Variants in PACRG observed in about 807,000 individuals in gnomAD.
PACRG encodes the protein parkin coregulated, also known as parkin coregulated gene protein.
Under a neutral mutation model 29.7 loss-of-function variants are expected in PACRG, and 29 were observed. The observed-to-expected ratio is 0.98, with a 90% CI of 0.73 to 1.33. PACRG has a LOEUF of 1.33. PACRG is among the 40% of genes most tolerant of loss of function. The pLI is 0.00. For synonymous variants in PACRG, 116 were observed against 118.7 expected, an observed-to-expected ratio of 0.98 and a Z score of 0.15; for missense variants, 279 against 316.2, an observed-to-expected ratio of 0.88 and a Z score of 0.89.
At chr6:163,081,445 T>C (rs1158340443) in intron 3 of PACRG, among the ~76,000 whole-genome samples, 8 of 152,148 alleles carry the variant, frequency 5.3e-5, no homozygotes. Flanking sequence ...ATCTAATTAA[T>C]GCCACTAAAT....
chr6:163,226,244 A>T (rs947846028), intron 4 of PACRG, among the ~76,000 whole-genome samples: 4 of 152,180 alleles, frequency 2.6e-5, no homozygotes, highest in Non-Finnish European at 5.9e-5. Context: ...AAAGGCACAA[A>T]GTTTTGATGA....
chr6:162,835,693 T>C (rs1206757684), intron 2 of PACRG, among the ~76,000 whole-genome samples: 2 of 152,116 alleles, frequency 1.3e-5, no homozygotes, highest in African/African-American at 4.8e-5. Context: ...TGTGGTGTTA[T>C]ATATTACACA....
chr6:163,075,640 TA>T (rs1417270103), intron 3 of PACRG, among the ~76,000 whole-genome samples: 1 of 152,162 alleles, frequency 6.6e-6, no homozygotes, highest in Non-Finnish European at 1.5e-5. Context: ...ATTAATGAAT[TA>T]AAAAATGATT....
chr6:162,987,902 C>T (rs1294076819), intron 2 of PACRG, among the ~76,000 whole-genome samples: 2 of 152,164 alleles, frequency 1.3e-5, no homozygotes, highest in Admixed American at 6.5e-5. Flanking sequence ...CAGGATGCTG[C>T]AGGCAGTGGA....
chr6:163,308,386 C>G (rs939469570), intron 4 of PACRG, among the ~76,000 whole-genome samples: 12 of 152,196 alleles, frequency 7.9e-5, no homozygotes, highest in African/African-American at 1.9e-4. Context: ...AAAAATTTGG[C>G]TGGGTGTGGT....
intron 2 of PACRG, among the ~76,000 whole-genome samples, chr6:162,815,894 G>T (rs1229547999): frequency 1.3e-5 from 2 of 151,986 alleles, no homozygotes; most frequent in Admixed American, 1.3e-4. Flanking sequence ...TTATAAAAAG[G>T]GAGTGGCTTT....
chr6:163,085,249 G>A (rs1813451244), intron 3 of PACRG, among the ~76,000 whole-genome samples: 1 of 152,146 alleles, frequency 6.6e-6, no homozygotes, highest in Admixed American at 6.5e-5. Flanking sequence ...ACACCCATGT[G>A]ATTCTGTTCT....
chr6:163,181,404 G>C (rs1779655222), intron 4 of PACRG, among the ~76,000 whole-genome samples: 2 of 151,998 alleles, frequency 1.3e-5, no homozygotes, highest in South Asian at 4.2e-4. Flanking sequence ...GCAGTGCCGG[G>C]GCTGGAGATG....
chr6:163,250,454 C>G (rs1339363234), intron 4 of PACRG, among the ~76,000 whole-genome samples: 1 of 152,216 alleles, frequency 6.6e-6, no homozygotes, highest in Non-Finnish European at 1.5e-5. Flanking sequence ...ATTTTACTAT[C>G]TTTTAAAATT....
intron 1 of PACRG, among the ~76,000 whole-genome samples, chr6:162,785,592 G>A (rs1241018140): frequency 6.6e-6 from 1 of 151,646 alleles, no homozygotes; most frequent in African/African-American, 2.4e-5. Flanking sequence ...TGCGGGGGTT[G>A]GGGGAGGATG....
At chr6:163,131,169 G>A (rs193036238) in intron 4 of PACRG, among the ~76,000 whole-genome samples, 15 of 152,196 alleles carry the variant, frequency 9.9e-5, no homozygotes, top group East Asian at 7.8e-4. Flanking sequence ...TTATCCGGGC[G>A]TGGTGGCGGG....
At chr6:163,059,965 AT>A (rs1442934989) in intron 2 of PACRG, among the ~76,000 whole-genome samples, 3 of 152,238 alleles carry the variant, frequency 2.0e-5, no homozygotes, top group African/African-American at 7.2e-5. Context: ...ACTAAGATAA[AT>A]TTAAGTTTGG....
intron 4 of PACRG, among the ~76,000 whole-genome samples, chr6:163,274,391 A>G (rs1198383038): frequency 2.6e-5 from 4 of 152,192 alleles, no homozygotes; most frequent in Non-Finnish European, 4.4e-5. Context: ...ATAGTGTTCC[A>G]TGGTGTTTAT....
intron 3 of PACRG, among the ~76,000 whole-genome samples, chr6:163,064,240 G>A (rs185367705): frequency 7.2e-5 from 11 of 152,238 alleles, no homozygotes; most frequent in Non-Finnish European, 1.5e-4. Context: ...CCACACTGGA[G>A]TTTTGCAGGC....
chr6:162,905,152 C>T (rs1042914319), intron 2 of PACRG, among the ~76,000 whole-genome samples: 2 of 152,060 alleles, frequency 1.3e-5, no homozygotes, highest in African/African-American at 4.8e-5. Flanking sequence ...TTGCCTGACG[C>T]AGGAGGACTG....
chr6:163,267,040 G>C (rs7746999), intron 4 of PACRG, among the ~76,000 whole-genome samples: 51,308 of 152,056 alleles, frequency 0.34, 8,892 homozygotes, highest in Non-Finnish European at 0.37. Context: ...AAAAGGCAGA[G>C]GGTACTAAAG....
intron 2 of PACRG, among the ~76,000 whole-genome samples, chr6:162,868,738 C>G (rs1792539288): frequency 1.3e-5 from 2 of 152,224 alleles, no homozygotes; most frequent in Admixed American, 1.3e-4. Context: ...CGCACAGGGT[C>G]TGCCGCGGGA....
intron 2 of PACRG, among the ~76,000 whole-genome samples, chr6:163,025,471 A>G (rs1356228620): frequency 3.9e-5 from 6 of 152,212 alleles, no homozygotes. Flanking sequence ...TATCAAGAGC[A>G]CAATCTCACT....
chr6:163,164,336 T>C (rs77212362), intron 4 of PACRG, among the ~76,000 whole-genome samples: 2,327 of 152,330 alleles, frequency 0.015, 30 homozygotes, highest in Non-Finnish European at 0.025. Flanking sequence ...AATCTCTTCC[T>C]CTTCTGCTCC....
Sources: allele counts gnomAD v4.1 joint callset (sites outside exome capture counted in the v4.1 genomes callset), GRCh38; gene constraint gnomAD v4.1.1; transcripts MANE v1.5; gene names NCBI Gene and HGNC (gene_info 2026-07-23, HGNC 2026-07-21).